The following MARCHF11 variants were observed in gnomAD, a reference collection of about 807,000 sequenced individuals.
MARCHF11 encodes the protein E3 ubiquitin-protein ligase MARCHF11.
A neutral mutation model predicts 37.3 loss-of-function variants in MARCHF11; 29 were observed. That is an observed-to-expected ratio of 0.78 (90% confidence interval 0.58 to 1.06). MARCHF11 has a LOEUF of 1.06. MARCHF11 is among the 50% of genes least tolerant of loss of function. The pLI is 0.00. For synonymous variants in MARCHF11, 233 were observed against 228.0 expected, an observed-to-expected ratio of 1.02 and a Z score of -0.20; for missense variants, 482 against 533.4, an observed-to-expected ratio of 0.90 and a Z score of 0.95.
At chr5:16,135,839 G>A (rs1737603683) in intron 2 of MARCHF11, among the ~76,000 whole-genome samples, 1 of 136,828 alleles carries the variant, frequency 7.3e-6, no homozygotes, top group African/African-American at 2.7e-5. Context: ...AAAGACCACA[G>A]GAAAGAAAGG....
At chr5:16,072,758 C>T (rs1420148612) in intron 3 of MARCHF11, among the ~76,000 whole-genome samples, 1 of 152,084 alleles carries the variant, frequency 6.6e-6, no homozygotes, top group African/African-American at 2.4e-5. Context: ...GCTTGCATTT[C>T]CTGGGAGGGC....
In MARCHF11 at chr5:16,156,124, T is replaced by C. The variant is rs1368313216; in HGVS notation, c.693+21602A>G. ...ATCTATAAGTCTGTAAAGAAATAAA[T>C]TCTTTGTACTGAGTTCTGAATGTAT... On this transcript the variant is annotated intron_variant, in intron 2 of 3. Transcript: ENST00000332432. Among the ~76,000 whole-genome samples, 7 of 151,914 alleles carry C rather than the reference T, an allele frequency of 4.6e-5. No homozygotes were observed. In the East Asian group the frequency reaches 1.4e-3, roughly 29 times the overall value.
intron 2 of MARCHF11, among the ~76,000 whole-genome samples, chr5:16,118,540 T>C (rs536863296): frequency 1.8e-4 from 27 of 152,160 alleles, no homozygotes; most frequent in Non-Finnish European, 3.4e-4. Flanking sequence ...TATAGACATA[T>C]TCAGTTTGAA....
At chr5:16,160,823 A>G (rs1166759655) in intron 2 of MARCHF11, among the ~76,000 whole-genome samples, 1 of 151,032 alleles carries the variant, frequency 6.6e-6, no homozygotes, top group Admixed American at 6.6e-5. Context: ...CAAAAAGGTG[A>G]AAAAAAAATA....
At chr5:16,147,992 T>C (rs751793434) in intron 2 of MARCHF11, among the ~76,000 whole-genome samples, 1 of 152,152 alleles carries the variant, frequency 6.6e-6, no homozygotes, top group Non-Finnish European at 1.5e-5. Flanking sequence ...AGAGAATATC[T>C]ATGTCACCAA....
rs114819474 is a variant in MARCHF11, at chr5:16,173,881, T to C, written c.693+3845A>G. ...AAAATAAGGTATAAGACAGGTAGCA[T>C]TGTCATCTCCTTTTTGAAGATGAGT... is the stretch of plus-strand genomic sequence containing the variant. On this transcript the variant is annotated intron_variant, in intron 2 of 3. Transcript: ENST00000332432. Among the ~76,000 whole-genome samples the C allele has an allele frequency of 4.2e-3, 645 of 152,362 alleles. 3 individuals are homozygous for C. Among genetic ancestry groups the C allele is most frequent in the African/African-American group, 0.015 (622 of 41,598 alleles).
intron 3 of MARCHF11, among the ~76,000 whole-genome samples, chr5:16,071,802 T>C (rs1485149698): frequency 6.6e-6 from 1 of 152,198 alleles, no homozygotes; most frequent in African/African-American, 2.4e-5. Context: ...CAGCTTTTTT[T>C]TGGATAAGTT....
chr5:16,123,702 T>C (rs532460425), intron 2 of MARCHF11, among the ~76,000 whole-genome samples: 94 of 152,100 alleles, frequency 6.2e-4, no homozygotes, highest in African/African-American at 2.1e-3. Context: ...AAGCCACGTA[T>C]TCATATACTG....
intron 2 of MARCHF11, among the ~76,000 whole-genome samples, chr5:16,175,201 T>C (rs975512112): frequency 6.6e-6 from 1 of 152,184 alleles, no homozygotes; most frequent in Non-Finnish European, 1.5e-5. Context: ...GAGAAAGACA[T>C]CTCAGCTGAC....
chr5:16,102,770 C>A (rs1038817410), intron 2 of MARCHF11, among the ~76,000 whole-genome samples: 3 of 152,192 alleles, frequency 2.0e-5, no homozygotes, highest in African/African-American at 7.2e-5. Context: ...CACTGACTTT[C>A]CACTGAGCTG....
chr5:16,159,980 A>G (rs1368504418), intron 2 of MARCHF11, among the ~76,000 whole-genome samples: 1 of 151,952 alleles, frequency 6.6e-6, no homozygotes, highest in East Asian at 1.9e-4. Flanking sequence ...CTCTTTAAAA[A>G]TGTTGCCCTA....
intron 2 of MARCHF11, among the ~76,000 whole-genome samples, chr5:16,107,009 C>T (rs1161050265): frequency 6.6e-6 from 1 of 152,182 alleles, no homozygotes; most frequent in Non-Finnish European, 1.5e-5. Context: ...AACCACCTGC[C>T]CCATGAACGT....
At chr5:16,172,875 C>A (rs890203692) in intron 2 of MARCHF11, among the ~76,000 whole-genome samples, 1 of 152,152 alleles carries the variant, frequency 6.6e-6, no homozygotes, top group African/African-American at 2.4e-5. Flanking sequence ...GCCAAATAAA[C>A]CCACCTGCTA....
At chr5:16,083,313 C>T (rs1221887770) in intron 3 of MARCHF11, among the ~76,000 whole-genome samples, 1 of 152,178 alleles carries the variant, frequency 6.6e-6, no homozygotes, top group East Asian at 1.9e-4. Context: ...CAGACATCCC[C>T]AAACCACATA....
intron 3 of MARCHF11, among the ~76,000 whole-genome samples, chr5:16,083,377 C>G (rs1041824466): frequency 5.3e-5 from 8 of 152,162 alleles, no homozygotes; most frequent in Non-Finnish European, 1.2e-4. Flanking sequence ...GTTTTACATT[C>G]TTCACTTGAA....
chr5:16,171,364 C>T (rs968662177), intron 2 of MARCHF11, among the ~76,000 whole-genome samples: 1 of 151,280 alleles, frequency 6.6e-6, no homozygotes, highest in Non-Finnish European at 1.5e-5. Flanking sequence ...ACATCCCACC[C>T]ATTGAATTTT....
intron 2 of MARCHF11, among the ~76,000 whole-genome samples, chr5:16,106,939 CATTCTT>C (rs1484533375): frequency 6.6e-6 from 1 of 152,192 alleles, no homozygotes; most frequent in Non-Finnish European, 1.5e-5. Flanking sequence ...CACTCCTACT[CATTCTT>C]AATCTTTCTT....
At chr5:16,084,045 T>C (rs1452306275) in intron 3 of MARCHF11, among the ~76,000 whole-genome samples, 1 of 152,160 alleles carries the variant, frequency 6.6e-6, no homozygotes, top group Non-Finnish European at 1.5e-5. Flanking sequence ...TTAAGTTTCG[T>C]GTCAATAAAA....
At chr5:16,109,957 C>T (rs754365129) in intron 2 of MARCHF11, among the ~76,000 whole-genome samples, 8 of 152,178 alleles carry the variant, frequency 5.3e-5, no homozygotes, top group Non-Finnish European at 1.0e-4. Flanking sequence ...TCATAACACA[C>T]GCAGCACCAT....
Sources: gnomAD v4.1 joint callset for allele counts (sites outside exome capture counted in the v4.1 genomes callset) on GRCh38, gnomAD v4.1.1 for gene constraint, MANE v1.5 for transcripts, NCBI Gene and HGNC (gene_info 2026-07-23, HGNC 2026-07-21) for gene names.